ANKFN1: variants seen among roughly 807,000 people sequenced by gnomAD.
ANKFN1 encodes ankyrin repeat and fibronectin type-III domain-containing protein 1.
In ANKFN1, 74 loss-of-function variants were observed where a neutral mutation model predicts 108.7. That is an observed-to-expected ratio of 0.68 (90% confidence interval 0.56 to 0.83). The LOEUF (loss-of-function observed/expected upper bound fraction) is 0.83. Ranked by LOEUF, ANKFN1 falls within the 40% of genes least tolerant of loss-of-function variation. The probability of loss-of-function intolerance (pLI) is 0.00; values close to 1 mark genes in which losing one functional copy is unlikely to be tolerated. For missense variants in ANKFN1, 1,505 were observed against 1,382.3 expected (o/e 1.09, Z -1.41); for synonymous variants, 547 against 516.2 (o/e 1.06, Z -0.81).
intron 1 of ANKFN1, among the ~76,000 whole-genome samples, chr17:56,204,937 G>C (rs566658533): frequency 1.3e-5 from 2 of 152,076 alleles, no homozygotes; most frequent in African/African-American, 4.8e-5. Flanking sequence ...TTAGCCAGGC[G>C]TGGTGGCGGG....
chr17:56,457,986 G>A lies in ANKFN1; in HGVS notation c.1557+7G>A. 6.2e-7 allele frequency: 1 copy of A among 1,611,864 alleles called. No homozygotes were observed. Among genetic ancestry groups the A allele is most frequent in the African/African-American group, 1.3e-5 (1 of 75,006 alleles). On this transcript the variant is annotated splice_region_variant and intron_variant, in intron 14 of 20. Transcript: ENST00000682825. ...AGCAACAGCACAGCTACAGGTAAGG[G>A]ACCAGGTTTCAACCCAGGCCCCCAA...
intron 4 of ANKFN1, among the ~76,000 whole-genome samples, chr17:56,336,485 G>A (rs2045813555): frequency 6.6e-6 from 1 of 152,150 alleles, no homozygotes; most frequent in Non-Finnish European, 1.5e-5. Context: ...ATTTCTTCTA[G>A]ATTTTCTAGT....
intron 4 of ANKFN1, among the ~76,000 whole-genome samples, chr17:56,087,655 A>T (rs985287728): frequency 6.6e-6 from 1 of 151,380 alleles, no homozygotes; most frequent in African/African-American, 2.4e-5. Flanking sequence ...TTGAGGGTTA[A>T]CATTGTGATG....
chr17:56,323,817 G>T (rs2045440658), intron 3 of ANKFN1, among the ~76,000 whole-genome samples: 1 of 152,176 alleles, frequency 6.6e-6, no homozygotes, highest in East Asian at 1.9e-4. Flanking sequence ...ATACAGCAGA[G>T]AATAAGAGAC....
At chr17:56,177,071 T>C (rs1489215079) in intron 1 of ANKFN1, among the ~76,000 whole-genome samples, 2 of 152,190 alleles carry the variant, frequency 1.3e-5, no homozygotes, top group East Asian at 3.8e-4. Context: ...CGTAGGGATT[T>C]CCCCAGAGCC....
chr17:56,484,962 C>A (rs543794647), intron 18 of ANKFN1, among the ~76,000 whole-genome samples: 5 of 152,288 alleles, frequency 3.3e-5, no homozygotes, highest in Admixed American at 3.3e-4. Flanking sequence ...TCCTCTCTAG[C>A]CTGTTTCTGT....
chr17:56,226,613 C>T (rs1916293039), intron 2 of ANKFN1, among the ~76,000 whole-genome samples: 1 of 152,110 alleles, frequency 6.6e-6, no homozygotes, highest in African/African-American at 2.4e-5. Context: ...CCAAGCAAAA[C>T]CTCCATAGCT....
At chr17:56,482,686 A>G (rs2050750334) in intron 18 of ANKFN1, 162 bp downstream of exon 18, 1 of 767,462 alleles carries the variant, frequency 1.3e-6, no homozygotes, top group Non-Finnish European at 1.9e-6. Flanking sequence ...AGAAAAAGCA[A>G]AGCTCCAAGA....
chr17:56,049,652 T>G (rs945367700), intron 4 of ANKFN1, among the ~76,000 whole-genome samples: 1 of 151,308 alleles, frequency 6.6e-6, no homozygotes, highest in Non-Finnish European at 1.5e-5. Flanking sequence ...TTTGGTTTTT[T>G]GTTCTTGCGA....
At chr17:56,268,059 A>G (rs769327727) in intron 3 of ANKFN1, among the ~76,000 whole-genome samples, 4 of 152,198 alleles carry the variant, frequency 2.6e-5, no homozygotes, top group Non-Finnish European at 5.9e-5. Flanking sequence ...TTCAGGACCT[A>G]TATTCAACAT....
In ANKFN1 at chr17:56,357,844, A is replaced by G. The variant is rs181436359; in HGVS notation, c.601+3798A>G. ...GTTCTTAGAGTGTTTTACACCTACA[A>G]AAATGGTTTTGTCTACATCATCTCC... On this transcript the variant is annotated intron_variant, in intron 6 of 20. Transcript: ENST00000682825. Among the ~76,000 whole-genome samples, 164 of 152,286 alleles carry G rather than the reference A, an allele frequency of 1.1e-3. 1 individual carries two copies. The highest frequency in any genetic ancestry group is 3.6e-3 in the African/African-American group (149 of 41,576).
intron 10 of ANKFN1, among the ~76,000 whole-genome samples, chr17:56,448,077 T>A (rs1052774746): frequency 1.3e-5 from 2 of 152,214 alleles, no homozygotes; most frequent in Non-Finnish European, 2.9e-5. Flanking sequence ...AGTTTGAAAC[T>A]TGTTCAACTA....
intron 4 of ANKFN1, among the ~76,000 whole-genome samples, chr17:56,085,577 G>T (rs1905301745): frequency 6.6e-6 from 1 of 151,326 alleles, no homozygotes; most frequent in African/African-American, 2.4e-5. Flanking sequence ...CACTGAGTTT[G>T]TGGTAATTTG....
chr17:56,358,032 T>C (rs1362066710), intron 6 of ANKFN1, among the ~76,000 whole-genome samples: 1 of 152,208 alleles, frequency 6.6e-6, no homozygotes, highest in East Asian at 1.9e-4. Context: ...CCTTGGTGTT[T>C]GTGAGAAAGC....
rs1439295151 is a variant in ANKFN1 at position 56,511,190 on chromosome 17, C to T, written c.3362C>T (p.Pro1121Leu). The change falls in exon 21 of 21, where the codon CCC (proline) becomes CTC (leucine). Residue 1121 changes from proline (P) to leucine (L), a missense_variant. By Grantham distance (98) the Pro-to-Leu change is moderately conservative. Transcript: ENST00000682825. Reference sequence around the variant, plus strand: ...CCCTCTGGAGGCCGCATCACCCTGCCCAGCCCCACTGGCCCCGATGTGAGT... The same window carrying T: ...CCCTCTGGAGGCCGCATCACCCTGCTCAGCCCCACTGGCCCCGATGTGAGT... Reference protein sequence around the residue: ...SPPSGGRITLPSPTGPDVSQE... With the variant: ...SPPSGGRITLLSPTGPDVSQE... The T allele has an allele frequency of 1.3e-6, 2 of 1,535,986 alleles. No individual in the cohort carries two copies. Among genetic ancestry groups the T allele is most frequent in the Admixed American group, 3.9e-5 (2 of 51,000 alleles).
At chr17:56,433,493 A>T (rs1027904622) in intron 8 of ANKFN1, among the ~76,000 whole-genome samples, 11 of 152,168 alleles carry the variant, frequency 7.2e-5, no homozygotes, top group African/African-American at 2.4e-4. Flanking sequence ...AATACTACTC[A>T]GCCATAAAAA....
chr17:56,147,833 A>T (rs986693783), intron 4 of ANKFN1, among the ~76,000 whole-genome samples: 3 of 152,190 alleles, frequency 2.0e-5, no homozygotes, highest in Non-Finnish European at 4.4e-5. Flanking sequence ...AGGTTATGGG[A>T]ATGGACTACT....
At chr17:56,295,501 T>A (rs1369539541) in intron 3 of ANKFN1, among the ~76,000 whole-genome samples, 1 of 152,122 alleles carries the variant, frequency 6.6e-6, no homozygotes, top group Admixed American at 6.5e-5. Context: ...CCCAGCAGTT[T>A]TTAACAATCC....
rs1173353479 is a variant in ANKFN1 at position 56,408,654 on chromosome 17, T to G, written c.911-31673T>G. Among the ~76,000 whole-genome samples, 4 of 152,200 alleles carry G rather than the reference T, an allele frequency of 2.6e-5. No individual in the cohort carries two copies. The East Asian group carries it at 7.7e-4, about 29-fold the overall frequency. ...GGACTAATGAAAGATTTTATTTCTG[T>G]TACCTATTTCAAATTATTTACACCA... On this transcript the variant is annotated intron_variant, in intron 8 of 20. Coordinates refer to ENST00000682825, the MANE Select transcript of ANKFN1 (RefSeq NM_001370326.1).
Sources: allele counts gnomAD v4.1 joint callset (sites outside exome capture counted in the v4.1 genomes callset), GRCh38; gene constraint gnomAD v4.1.1; transcripts MANE v1.5; gene names NCBI Gene and HGNC (gene_info 2026-07-23, HGNC 2026-07-21).